The following FAM184B variants were observed in gnomAD, a reference collection of about 807,000 sequenced individuals.
The protein encoded by FAM184B is family with sequence similarity 184 member B, also known as protein FAM184B.
Under a neutral mutation model 135.9 loss-of-function variants are expected in FAM184B, and 111 were observed. That is an observed-to-expected ratio of 0.82 (90% CI 0.70 to 0.96). FAM184B has a LOEUF of 0.96. Among genes scored for constraint, FAM184B ranks in the 40% least tolerant of loss-of-function variants. The pLI is 0.00. For missense variants in FAM184B, 1,375 were observed against 1,323.9 expected (o/e 1.04, Z -0.60); for synonymous variants, 552 against 524.8 (o/e 1.05, Z -0.71).
At chr4:17,735,182 G>T (rs1317431573) in intron 1 of FAM184B, among the ~76,000 whole-genome samples, 1 of 151,702 alleles carries the variant, frequency 6.6e-6, no homozygotes, top group Non-Finnish European at 1.5e-5. Flanking sequence ...GTCCTGTTGT[G>T]GGGTGGGGGG....
intron 9 of FAM184B, 50 bp from the exon 10 acceptor site, chr4:17,658,612 G>A (rs774343377): frequency 2.0e-6 from 3 of 1,515,878 alleles, no homozygotes; most frequent in Admixed American, 2.0e-5. Context: ...CCTTTCCTGG[G>A]ATGTTTTCTT....
intron 11 of FAM184B, among the ~76,000 whole-genome samples, chr4:17,652,275 C>A: frequency 6.6e-6 from 1 of 151,868 alleles, no homozygotes; most frequent in Non-Finnish European, 1.5e-5. Context: ...CAGACACCTG[C>A]CACCACGCCC....
chr4:17,720,425 T>C (rs762407525), intron 1 of FAM184B, among the ~76,000 whole-genome samples: 2 of 152,132 alleles, frequency 1.3e-5, no homozygotes, highest in Non-Finnish European at 2.9e-5. Context: ...ATTAGGGAAA[T>C]GCAACTCAAA....
intron 6 of FAM184B, among the ~76,000 whole-genome samples, chr4:17,691,240 C>T (rs13134570): frequency 0.32 from 49,322 of 152,116 alleles, 8,573 homozygotes; most frequent in South Asian, 0.4. Context: ...TTTACCTTCT[C>T]TGTGCCTCAG....
intron 1 of FAM184B, among the ~76,000 whole-genome samples, chr4:17,742,155 TA>T (rs1560190677): frequency 0.039 from 3,694 of 94,878 alleles, 62 homozygotes; most frequent in South Asian, 0.066. Flanking sequence ...TATATATATA[TA>T]TATATATATA....
intron 1 of FAM184B, among the ~76,000 whole-genome samples, chr4:17,742,285 C>T (rs965281530): frequency 2.0e-5 from 3 of 151,322 alleles, no homozygotes; most frequent in Non-Finnish European, 4.4e-5. Flanking sequence ...CTGGGCAACA[C>T]AGCAAGACCC....
intron 1 of FAM184B, among the ~76,000 whole-genome samples, chr4:17,758,171 C>G (rs1040360824): frequency 6.6e-6 from 1 of 152,198 alleles, no homozygotes; most frequent in African/African-American, 2.4e-5. Flanking sequence ...TTATCTCTAG[C>G]ATATTCCTAG....
At chr4:17,723,114 G>A (rs1404013492) in intron 1 of FAM184B, among the ~76,000 whole-genome samples, 1 of 152,076 alleles carries the variant, frequency 6.6e-6, no homozygotes, top group African/African-American at 2.4e-5. Flanking sequence ...GTATAACAAT[G>A]TGTGCTACCA....
chr4:17,715,685 T>C (rs1717388791), intron 1 of FAM184B, among the ~76,000 whole-genome samples: 1 of 152,170 alleles, frequency 6.6e-6, no homozygotes, highest in Admixed American at 6.6e-5. Context: ...GTAATGCATA[T>C]GTTAAATAGC....
intron 14 of FAM184B, among the ~76,000 whole-genome samples, chr4:17,638,888 G>A (rs1038534989): frequency 3.3e-5 from 5 of 152,144 alleles, no homozygotes; most frequent in African/African-American, 1.2e-4. Flanking sequence ...TGAAGCTGGA[G>A]TGCAGGGTCC....
chr4:17,632,855 T>TG, intron 17 of FAM184B: 1 of 395,684 alleles, frequency 2.5e-6, no homozygotes, highest in Non-Finnish European at 4.7e-6. Flanking sequence ...GGTTCTCCAT[T>TG]GTTCCTTTGA....
chr4:17,721,646 G>A (rs1331466797), intron 1 of FAM184B, among the ~76,000 whole-genome samples: 1 of 152,144 alleles, frequency 6.6e-6, no homozygotes, highest in Non-Finnish European at 1.5e-5. Context: ...ATGACATGAC[G>A]CTGGACAGGT....
At chr4:17,653,927 G>GAGAGAGAGA (rs1469750605) in intron 10 of FAM184B, among the ~76,000 whole-genome samples, 1 of 15,248 alleles carries the variant, frequency 6.6e-5, no homozygotes, top group African/African-American at 3.9e-4. Context: ...AGAGGGAGGG[G>GAGAGAGAGA]GAGGGGGATT....
chr4:17,690,021 G>A (rs946221419), intron 6 of FAM184B, among the ~76,000 whole-genome samples: 5 of 152,178 alleles, frequency 3.3e-5, no homozygotes, highest in East Asian at 2.0e-4. Context: ...GTTGGTGCGT[G>A]CCTGTAATCC....
At chr4:17,726,097 C>G (rs1027771302) in intron 1 of FAM184B, among the ~76,000 whole-genome samples, 1 of 151,452 alleles carries the variant, frequency 6.6e-6, no homozygotes, top group Non-Finnish European at 1.5e-5. Context: ...CTAATTTTTT[C>G]GTATTTTCAG....
In FAM184B at chr4:17,631,012, C is replaced by T. The variant is rs1714920103; in HGVS notation, c.*1520G>A. On this transcript the variant is annotated 3_prime_UTR_variant, in exon 18 of 18. Coordinates refer to ENST00000265018, the MANE Select transcript of FAM184B (RefSeq NM_015688.2). Reference sequence around the variant, plus strand: ...ACCAAAGACTGAAAAAATATTTTGCCCCCTAAAAGTTGTTATTGAGTCTTG... The same window carrying T: ...ACCAAAGACTGAAAAAATATTTTGCTCCCTAAAAGTTGTTATTGAGTCTTG... 1 of 152,140 alleles carries T rather than the reference C, an allele frequency of 6.6e-6. No homozygotes were observed. Among genetic ancestry groups the T allele is most frequent in the African/African-American group, 2.4e-5 (1 of 41,422 alleles). 9.4% of individuals were successfully genotyped at this position (152,140 alleles called of 1,614,324 possible). A position where few individuals can be genotyped will look rare whatever the true frequency, so the allele number is the denominator to read the frequency against.
At position 17,664,667 on chromosome 4, in the gene FAM184B, CA is replaced by C; in HGVS notation, c.1597-9del. The C allele has an allele frequency of 2.3e-6, 3 of 1,319,560 alleles. No homozygotes were observed. Among genetic ancestry groups the C allele is most frequent in the South Asian group, 1.5e-5 (1 of 67,188 alleles). 81.7% of individuals were successfully genotyped at this position (1,319,560 alleles called of 1,614,324 possible). A position where few individuals can be genotyped will look rare whatever the true frequency, so the allele number is the denominator to read the frequency against. ...CAGCTTCAAGCATGGATCCTAAGGC[CA>C]AAAAAGAAAAAGAAAAAAAAAAAAA... On this transcript the variant is annotated splice_polypyrimidine_tract_variant and intron_variant, in intron 7 of 17. Coordinates refer to ENST00000265018, the MANE Select transcript of FAM184B (RefSeq NM_015688.2).
intron 7 of FAM184B, among the ~76,000 whole-genome samples, chr4:17,677,767 C>T (rs981296867): frequency 6.6e-6 from 1 of 152,070 alleles, no homozygotes; most frequent in Non-Finnish European, 1.5e-5. Context: ...ATGCAAAAAT[C>T]CTTAACAAAA....
intron 1 of FAM184B, among the ~76,000 whole-genome samples, chr4:17,723,505 T>C (rs1717577396): frequency 6.6e-6 from 1 of 152,182 alleles, no homozygotes; most frequent in African/African-American, 2.4e-5. Context: ...ATTCTCAGTT[T>C]ATGGGTTATG....
Sources: allele counts gnomAD v4.1 joint callset (sites outside exome capture counted in the v4.1 genomes callset), GRCh38; gene constraint gnomAD v4.1.1; transcripts MANE v1.5; gene names NCBI Gene and HGNC (gene_info 2026-07-23, HGNC 2026-07-21).